The following RERE variants were observed in gnomAD, a reference collection of about 807,000 sequenced individuals.
The protein encoded by RERE is arginine-glutamic acid dipeptide repeats protein.
RERE carries 40 observed loss-of-function variants against 146.1 expected under a neutral mutation model. That is an observed-to-expected ratio of 0.27 (90% CI 0.21 to 0.36). RERE has a LOEUF of 0.36. RERE is among the 10% of genes least tolerant of loss of function. The pLI is 1.00. For synonymous variants in RERE, 1,003 were observed against 866.0 expected, an observed-to-expected ratio of 1.16 and a Z score of -2.78; for missense variants, 1,933 against 2,138.7, an observed-to-expected ratio of 0.90 and a Z score of 1.90.
intron 1 of RERE, among the ~76,000 whole-genome samples, chr1:8,742,587 G>A (rs988882343): frequency 1.3e-5 from 2 of 152,024 alleles, no homozygotes; most frequent in Non-Finnish European, 1.5e-5. Flanking sequence ...TTGGGAGGCC[G>A]AGGCAGGCAG....
chr1:8,462,743 G>A (rs908139324), intron 11 of RERE, among the ~76,000 whole-genome samples: 1 of 152,140 alleles, frequency 6.6e-6, no homozygotes. Context: ...CAGCGGCAGC[G>A]AAGTTTAGTA....
chr1:8,562,806 T>C (rs1043808728), intron 4 of RERE, among the ~76,000 whole-genome samples: 1 of 152,146 alleles, frequency 6.6e-6, no homozygotes, highest in Non-Finnish European at 1.5e-5. Context: ...TGGATTTCTC[T>C]TGAAATGAAG....
intron 1 of RERE, chr1:8,786,590 T>C: frequency 1.3e-6 from 1 of 769,154 alleles, no homozygotes; most frequent in Non-Finnish European, 2.4e-6. Context: ...CCACTGAAGA[T>C]TTGATAAAGG....
chr1:8,773,684 C>T (rs1427624370), intron 1 of RERE, among the ~76,000 whole-genome samples: 2 of 152,086 alleles, frequency 1.3e-5, no homozygotes, highest in Non-Finnish European at 2.9e-5. Context: ...ATTAGCCGGG[C>T]GTGGTGGTGC....
intron 1 of RERE, among the ~76,000 whole-genome samples, chr1:8,776,797 C>T (rs1048182111): frequency 1.3e-5 from 2 of 152,116 alleles, no homozygotes; most frequent in Non-Finnish European, 2.9e-5. Flanking sequence ...CGGCTCACTG[C>T]AGCCTCGACC....
chr1:8,433,553 CTTT>C (rs35096712), intron 11 of RERE, among the ~76,000 whole-genome samples: 3 of 130,206 alleles, frequency 2.3e-5, no homozygotes, highest in Non-Finnish European at 3.2e-5. Flanking sequence ...CCATTCATTT[CTTT>C]TTTTTTTTTT....
intron 1 of RERE, among the ~76,000 whole-genome samples, chr1:8,757,695 A>G (rs1640669126): frequency 6.6e-6 from 1 of 152,188 alleles, no homozygotes; most frequent in African/African-American, 2.4e-5. Flanking sequence ...CATTCTAGTC[A>G]GCCTTTTTTC....
At chr1:8,698,196 C>T (rs1639375249) in intron 1 of RERE, among the ~76,000 whole-genome samples, 1 of 152,140 alleles carries the variant, frequency 6.6e-6, no homozygotes, top group Admixed American at 6.5e-5. Context: ...GAGAGACCAC[C>T]ACATAAAAAT....
At chr1:8,514,802 A>AATG (rs1333198649) in intron 7 of RERE, among the ~76,000 whole-genome samples, 1 of 152,102 alleles carries the variant, frequency 6.6e-6, no homozygotes, top group Non-Finnish European at 1.5e-5. Flanking sequence ...TAATAATAAT[A>AATG]ATGAGGTCCA....
intron 8 of RERE, among the ~76,000 whole-genome samples, chr1:8,503,085 T>TA (rs1380278514): frequency 1.9e-4 from 24 of 124,982 alleles, no homozygotes; most frequent in African/African-American, 7.1e-4. Context: ...AATGATCAAT[T>TA]AAAAATAAAT....
In RERE at chr1:8,656,412, C is replaced by T. The variant is rs1638305249; in HGVS notation, c.-115G>A. ...CACTCAATTCCAGGGAAAATCCAAC[C>T]ACTCCAACAACCCCAACGTTTCAAA... On this transcript the variant is annotated 5_prime_UTR_variant, in exon 2 of 23. Transcript: ENST00000400908. 7.3e-7 allele frequency: 1 copy of T among 1,362,114 alleles called. No individual in the cohort carries two copies. The highest frequency in any genetic ancestry group is 1.0e-6 in the Non-Finnish European group (1 of 1,003,452). The allele number at this position is 1,362,114 out of a possible 1,614,324, so 84.4% of individuals were successfully genotyped here. A position where few individuals can be genotyped will look rare whatever the true frequency, so the allele number is the denominator to read the frequency against.
chr1:8,510,758 A>T (rs1645324380), intron 7 of RERE, among the ~76,000 whole-genome samples: 1 of 144,528 alleles, frequency 6.9e-6, no homozygotes, highest in African/African-American at 2.5e-5. Context: ...ATCATTTCAG[A>T]AACCTTCAGC....
chr1:8,397,192 G>A (rs1643084514), intron 12 of RERE, among the ~76,000 whole-genome samples: 2 of 152,232 alleles, frequency 1.3e-5, no homozygotes, highest in Non-Finnish European at 2.9e-5. Context: ...CTTTGGGCAA[G>A]TCATCATAAT....
At chr1:8,448,126 G>C (rs114532503) in intron 11 of RERE, among the ~76,000 whole-genome samples, 1 of 152,148 alleles carries the variant, frequency 6.6e-6, no homozygotes, top group African/African-American at 2.4e-5. Flanking sequence ...TTGAGGTGGG[G>C]AGTTCCTGTC....
intron 10 of RERE, among the ~76,000 whole-genome samples, chr1:8,483,543 G>A (rs1644862017): frequency 6.6e-6 from 1 of 152,176 alleles, no homozygotes; most frequent in African/African-American, 2.4e-5. Context: ...ATTCTGCTAT[G>A]CCAACTTCCT....
chr1:8,743,456 C>T (rs1367925710), intron 1 of RERE, among the ~76,000 whole-genome samples: 3 of 140,402 alleles, frequency 2.1e-5, no homozygotes, highest in Non-Finnish European at 4.6e-5. Flanking sequence ...TTAGTAGAGA[C>T]GGGGTTTCAC....
chr1:8,482,332 C>T (rs535057896), intron 10 of RERE, among the ~76,000 whole-genome samples: 1 of 152,156 alleles, frequency 6.6e-6, no homozygotes, highest in Non-Finnish European at 1.5e-5. Context: ...AATAAAGCTA[C>T]ATATTATCTA....
chr1:8,423,546 GCTCCGAGCCCCCAC>G lies in RERE; in HGVS notation c.1204-753_1204-740del. The stretch of plus-strand genomic sequence containing the variant: ...CCCGCCCCGGTGGGGGCAGCTCCTG[GCTCCGAGCCCCCAC>G]CTCGGGGCTCCCAGCCTGGTCCCGG... On this transcript the variant is annotated intron_variant, in intron 11 of 22. Transcript: ENST00000400908. This position sits in a 1 kb window ranked among gnomAD's most constrained non-coding sequence, Gnocchi z 5.4. 2.0e-6 allele frequency: 2 copies of G among 984,972 alleles called. No homozygotes were observed. Among genetic ancestry groups the G allele is most frequent in the Non-Finnish European group, 2.4e-6 (2 of 829,694 alleles). 61.0% of individuals were successfully genotyped at this position (984,972 alleles called of 1,614,324 possible).
intron 1 of RERE, among the ~76,000 whole-genome samples, chr1:8,799,948 G>A (rs1319284317): frequency 6.6e-6 from 1 of 151,784 alleles, no homozygotes; most frequent in African/African-American, 2.4e-5. Flanking sequence ...CAAGTAGTTG[G>A]GATTACAGGA....
Sources: gnomAD v4.1 joint callset for allele counts (sites outside exome capture counted in the v4.1 genomes callset) on GRCh38, gnomAD v4.1.1 for gene constraint, Gnocchi (gnomAD v3.1) non-coding constraint, MANE v1.5 for transcripts, NCBI Gene and HGNC (gene_info 2026-07-23, HGNC 2026-07-21) for gene names.